ZNF609: variants seen among roughly 807,000 people sequenced by gnomAD.
The protein encoded by ZNF609 is zinc finger protein 609.
A neutral mutation model predicts 109.5 loss-of-function variants in ZNF609; 11 were observed. That is an observed-to-expected ratio of 0.10 (90% confidence interval 0.06 to 0.17). ZNF609 has a LOEUF of 0.17. Ranked by LOEUF, ZNF609 falls within the 10% of genes least tolerant of loss-of-function variation. The probability of loss-of-function intolerance (pLI) is 1.00; values close to 1 mark genes in which losing one functional copy is unlikely to be tolerated. For synonymous variants in ZNF609, 646 were observed against 662.0 expected, an observed-to-expected ratio of 0.98 and a Z score of 0.37; for missense variants, 1,559 against 1,772.4, an observed-to-expected ratio of 0.88 and a Z score of 2.16.
At chr15:64,503,135 C>A (rs1893585732) in intron 2 of ZNF609, 2 of 152,008 alleles carry the variant, frequency 1.3e-5, no homozygotes, top group South Asian at 4.2e-4. Context: ...CAGGCTATGG[C>A]CTGGGAAATT....
rs989098521 is a variant in ZNF609 at position 64,675,932 on chromosome 15, G to A, written c.3078G>A (p.Glu1026=). The part of the protein sequence containing the change: ...QQQRGVDKKA[E]MGLKEREAAL... ...AGCGGGGAGTGGACAAGAAGGCAGAGATGGGCCTGAAGGAGCGGGAGGCAG... is the reference window on the plus strand; with the variant it reads ...AGCGGGGAGTGGACAAGAAGGCAGAAATGGGCCTGAAGGAGCGGGAGGCAG... The change falls in exon 5 of 10, where the codon GAG becomes GAA. Residue 1026 remains glutamate (E), a synonymous_variant. Coordinates refer to ENST00000326648, the MANE Select transcript of ZNF609 (RefSeq NM_015042.2). The A allele has an allele frequency of 1.9e-6, 3 of 1,614,120 alleles. No homozygotes were observed. Among genetic ancestry groups the A allele is most frequent in the Middle Eastern group, 1.6e-4 (1 of 6,084 alleles).
chr15:64,513,713 A>G (rs75493285), intron 2 of ZNF609, among the ~76,000 whole-genome samples: 4,483 of 152,290 alleles, frequency 0.029, 239 homozygotes, highest in African/African-American at 0.1. Context: ...AATGAAAAAT[A>G]TGTATTTGTA....
chr15:64,549,289 CA>C lies in ZNF609; in HGVS notation c.747+49125del, dbSNP rs528765685. On this transcript the variant is annotated intron_variant, in intron 2 of 9. Coordinates refer to ENST00000326648, the MANE Select transcript of ZNF609 (RefSeq NM_015042.2). ...TACCACAACCTCCGCCTCCCGGGTTCAAGCAATTCTCCTGCCTCAGCCTCCA... is the reference window on the plus strand; with the variant it reads ...TACCACAACCTCCGCCTCCCGGGTTCAGCAATTCTCCTGCCTCAGCCTCCA... Among the ~76,000 whole-genome samples, 251 of 152,240 alleles carry C rather than the reference CA, an allele frequency of 1.6e-3. 1 individual carries two copies. The highest frequency in any genetic ancestry group is 5.7e-3 in the African/African-American group (238 of 41,520).
chr15:64,578,091 A>C (rs769786654), intron 2 of ZNF609, among the ~76,000 whole-genome samples: 1 of 152,118 alleles, frequency 6.6e-6, no homozygotes, highest in Non-Finnish European at 1.5e-5. Context: ...AGGGAAAAAA[A>C]CATAAAGGAA....
chr15:64,546,368 C>T (rs962033300), intron 2 of ZNF609, among the ~76,000 whole-genome samples: 7 of 152,106 alleles, frequency 4.6e-5, no homozygotes, highest in African/African-American at 1.7e-4. Flanking sequence ...CTTCAGCCTC[C>T]CAAGTAGCTG....
intron 3 of ZNF609, among the ~76,000 whole-genome samples, chr15:64,668,855 A>G (rs1424257358): frequency 6.8e-6 from 1 of 146,794 alleles, no homozygotes; most frequent in Non-Finnish European, 1.5e-5. Context: ...TGGGAGGCTG[A>G]GGCGGAGAAT....
At chr15:64,512,943 C>G (rs1893754650) in intron 2 of ZNF609, among the ~76,000 whole-genome samples, 1 of 152,002 alleles carries the variant, frequency 6.6e-6, no homozygotes, top group Admixed American at 6.6e-5. Context: ...AATAAGCAAG[C>G]AAACTCATAC....
At chr15:64,653,869 AT>A (rs1426071345) in intron 3 of ZNF609, among the ~76,000 whole-genome samples, 3 of 152,168 alleles carry the variant, frequency 2.0e-5, no homozygotes, top group Admixed American at 2.0e-4. Context: ...CCAAAGAGCT[AT>A]AAAAAATTGG....
intron 3 of ZNF609, chr15:64,631,265 CAT>C (rs1896070744): frequency 1.5e-6 from 1 of 656,714 alleles, no homozygotes; most frequent in Admixed American, 1.9e-5. Context: ...TTTTCCTTCA[CAT>C]GTTTCAGGAA....
Position 64,461,641 on chromosome 15 carries a change from G to A in ZNF609, c.-128+803G>A, listed in dbSNP as rs556265586. Among the ~76,000 whole-genome samples the A allele has an allele frequency of 3.9e-5, 6 of 152,298 alleles. No individual in the cohort carries two copies. The South Asian group carries it at 1.0e-3, about 26-fold the overall frequency. On this transcript the variant is annotated intron_variant, in intron 1 of 9. Transcript: ENST00000326648. ...CAGTCATTTCAGCTTCGAGGAATTA[G>A]GCTCACACAGGGTGGAGAGATCAGA...
chr15:64,475,514 G>A (rs1701556631), intron 1 of ZNF609, among the ~76,000 whole-genome samples: 1 of 145,742 alleles, frequency 6.9e-6, no homozygotes, highest in African/African-American at 2.5e-5. Flanking sequence ...TCAGCCTCCC[G>A]AGTAACTGGG....
At chr15:64,679,792 G>A (rs188530745) in intron 6 of ZNF609, among the ~76,000 whole-genome samples, 56 of 152,264 alleles carry the variant, frequency 3.7e-4, no homozygotes, top group Middle Eastern at 3.4e-3. Flanking sequence ...AGAAACTGAA[G>A]CTCAAAACAG....
chr15:64,569,002 T>C (rs1455159105), intron 2 of ZNF609, among the ~76,000 whole-genome samples: 1 of 152,348 alleles, frequency 6.6e-6, no homozygotes, highest in African/African-American at 2.4e-5. Context: ...ACACTGGCCT[T>C]CTTTCTTTTT....
intron 1 of ZNF609, among the ~76,000 whole-genome samples, chr15:64,483,508 T>C (rs543065881): frequency 2.9e-4 from 44 of 152,282 alleles, no homozygotes; most frequent in Admixed American, 5.9e-4. Context: ...TGTCTCAACC[T>C]TCTGAGTAGC....
At chr15:64,632,146 A>G (rs1896091977) in intron 3 of ZNF609, among the ~76,000 whole-genome samples, 1 of 152,034 alleles carries the variant, frequency 6.6e-6, no homozygotes, top group East Asian at 1.9e-4. Flanking sequence ...TCAGCCTACC[A>G]GGCTCAAGTG....
chr15:64,534,894 A>G (rs949569133), intron 2 of ZNF609, among the ~76,000 whole-genome samples: 9 of 151,926 alleles, frequency 5.9e-5, no homozygotes, highest in African/African-American at 2.2e-4. Flanking sequence ...TTAGACGGGC[A>G]TGGTGGCATG....
intron 2 of ZNF609, among the ~76,000 whole-genome samples, chr15:64,595,289 A>T (rs1895374276): frequency 1.3e-5 from 2 of 149,742 alleles, no homozygotes; most frequent in African/African-American, 4.9e-5. Context: ...TGAACCCGGG[A>T]GGCAGAGGTT....
At position 64,675,058 on chromosome 15, in the gene ZNF609, A is replaced by G. The variant is rs200988493; in HGVS notation, c.2204A>G (p.Lys735Arg). The change falls in exon 5 of 10, where the codon AAG becomes AGG. Residue 735 changes from lysine (K) to arginine (R), a missense_variant. This residue lies in a region of ZNF609 where 1,204 missense variants were observed against 1,314.1 expected (regional missense o/e 0.92). Coordinates refer to ENST00000326648, the MANE Select transcript of ZNF609 (RefSeq NM_015042.2). ...KDKKKKDKKK[K>R]ESSKELESPL... ...AAGAAAAAGAAAGACAAAAAAAAGAAGGAATCTTCAAAGGAACTTGAAAGT... is the reference window on the plus strand; with the variant it reads ...AAGAAAAAGAAAGACAAAAAAAAGAGGGAATCTTCAAAGGAACTTGAAAGT... 14 of 1,614,198 alleles carry G rather than the reference A, an allele frequency of 8.7e-6. No homozygotes were observed. Among genetic ancestry groups the G allele is most frequent in the Non-Finnish European group, 1.2e-5 (14 of 1,180,042 alleles).
chr15:64,611,149 T>A lies in ZNF609; in HGVS notation c.748-11678T>A, dbSNP rs605346. Among the ~76,000 whole-genome samples the A allele has an allele frequency of 6.8e-3, 1,032 of 152,176 alleles. 18 individuals carry two copies. Among genetic ancestry groups the A allele is most frequent in the African/African-American group, 0.023 (952 of 41,494 alleles). ...TCAGGAAAGGAAGTAGTTACAGAAG[T>A]TCTTTATTCTTAGGAAGCAAATCCT... On this transcript the variant is annotated intron_variant, in intron 2 of 9. Coordinates refer to ENST00000326648, the MANE Select transcript of ZNF609 (RefSeq NM_015042.2).
Sources: gnomAD v4.1 joint callset for allele counts (sites outside exome capture counted in the v4.1 genomes callset) on GRCh38, gnomAD v4.1.1 for gene constraint, gnomAD v4.1.1 regional missense constraint, MANE v1.5 for transcripts, NCBI Gene and HGNC (gene_info 2026-07-23, HGNC 2026-07-21) for gene names.